Variants in SLAIN2 observed in about 807,000 individuals in gnomAD.
SLAIN2 encodes the protein SLAIN family member 2.
SLAIN2 carries 31 observed loss-of-function variants against 56.6 expected under a neutral mutation model. That is an observed-to-expected ratio of 0.55 (90% CI 0.41 to 0.74). The LOEUF (loss-of-function observed/expected upper bound fraction) is 0.74, where lower values mean the gene tolerates loss of function less well. Ranked by LOEUF, SLAIN2 falls within the 30% of genes least tolerant of loss-of-function variation. The pLI, the probability that SLAIN2 is intolerant of heterozygous loss-of-function variation, is 0.00. For missense variants in SLAIN2, 777 were observed against 754.2 expected (o/e 1.03, Z -0.35); for synonymous variants, 317 against 284.9 (o/e 1.11, Z -1.13).
At chr4:48,346,753 GTTACT>G (rs1267979567) in intron 1 of SLAIN2, among the ~76,000 whole-genome samples, 1 of 151,166 alleles carries the variant, frequency 6.6e-6, no homozygotes, top group East Asian at 1.9e-4. Context: ...CCAAGGAGAT[GTTACT>G]TTAAAGTAAT....
In SLAIN2 at chr4:48,378,166, C is replaced by T. The variant is rs182054132; in HGVS notation, c.703+106C>T. ...GTTCGAGTTCATTTTATTTATGAAACTTTTAACTGGTTAAAGAAAATATCG... is the reference window on the plus strand; with the variant it reads ...GTTCGAGTTCATTTTATTTATGAAATTTTTAACTGGTTAAAGAAAATATCG... On this transcript the variant is annotated intron_variant, in intron 3 of 7. Transcript: ENST00000264313. 1.6e-5 allele frequency: 20 copies of T among 1,289,772 alleles called. No homozygotes were observed. The East Asian group carries it at 3.5e-4, about 23-fold the overall frequency. 79.9% of individuals were successfully genotyped at this position (1,289,772 alleles called of 1,614,324 possible). A position where few individuals can be genotyped will look rare whatever the true frequency, so the allele number is the denominator to read the frequency against.
chr4:48,369,603 T>C (rs1231079012), intron 1 of SLAIN2, among the ~76,000 whole-genome samples: 1 of 152,176 alleles, frequency 6.6e-6, no homozygotes, highest in Non-Finnish European at 1.5e-5. Context: ...TATTTTCTCA[T>C]AGTCTTAGTA....
chr4:48,349,105 T>A (rs755508866), intron 1 of SLAIN2, among the ~76,000 whole-genome samples: 3 of 152,254 alleles, frequency 2.0e-5, no homozygotes, highest in Non-Finnish European at 4.4e-5. Flanking sequence ...TTTGTGAAAT[T>A]CTCCTGAATT....
intron 6 of SLAIN2, among the ~76,000 whole-genome samples, chr4:48,385,243 G>A (rs559832639): frequency 5.3e-5 from 8 of 152,294 alleles, no homozygotes; most frequent in African/African-American, 9.6e-5. Flanking sequence ...AGATTTGAGC[G>A]TGTAGTCAAA....
intron 6 of SLAIN2, among the ~76,000 whole-genome samples, chr4:48,395,810 C>CTTTTTTTTTTTTTTTT (rs10649464): frequency 2.7e-5 from 2 of 72,772 alleles, no homozygotes; most frequent in African/African-American, 6.8e-5. Context: ...GAACCTTAGG[C>CTTTTTTTTTTTTTTTT]TTTTTTTTTT....
In SLAIN2 at chr4:48,377,991, T is replaced by A. The variant is rs531213017; in HGVS notation, c.634T>A (p.Phe212Ile). The change falls in exon 3 of 8, where the codon TTC (phenylalanine) becomes ATC (isoleucine). Residue 212 changes from phenylalanine (F) to isoleucine (I), a missense_variant. Coordinates refer to ENST00000264313, the MANE Select transcript of SLAIN2 (RefSeq NM_020846.2). ...PNASSPYSSG[F>I]NSPSSTPVRP... ...TGCCAGTAGCCCATACAGCAGTGGC[T>A]TCAATTCTCCATCCTCAACCCCAGT... 1 of 1,613,950 alleles carries A rather than the reference T, an allele frequency of 6.2e-7. No homozygotes were observed. Among genetic ancestry groups the A allele is most frequent in the East Asian group, 2.2e-5 (1 of 44,864 alleles).
At chr4:48,387,158 A>G (rs1716122437) in intron 6 of SLAIN2, among the ~76,000 whole-genome samples, 1 of 152,164 alleles carries the variant, frequency 6.6e-6, no homozygotes, top group African/African-American at 2.4e-5. Context: ...CTATTCTAGC[A>G]TGTCAAAGCT....
chr4:48,386,962 CA>C, intron 6 of SLAIN2, among the ~76,000 whole-genome samples: 1 of 152,246 alleles, frequency 6.6e-6, no homozygotes, highest in Non-Finnish European at 1.5e-5. Context: ...AGCATGTGAA[CA>C]GATGATCCAA....
At chr4:48,421,683 T>G (rs979118539) in intron 7 of SLAIN2, among the ~76,000 whole-genome samples, 1 of 152,022 alleles carries the variant, frequency 6.6e-6, no homozygotes, top group African/African-American at 2.4e-5. Flanking sequence ...TAATATCACA[T>G]TCATCATTCT....
intron 1 of SLAIN2, among the ~76,000 whole-genome samples, chr4:48,360,036 C>A (rs1024237461): frequency 6.6e-6 from 1 of 151,942 alleles, no homozygotes; most frequent in South Asian, 2.1e-4. Context: ...CACCTATAAT[C>A]CCAGCTACTC....
intron 1 of SLAIN2, among the ~76,000 whole-genome samples, chr4:48,346,123 A>T (rs1211429357): frequency 6.6e-6 from 1 of 152,248 alleles, no homozygotes; most frequent in African/African-American, 2.4e-5. Context: ...GGACTTGTTC[A>T]TGATGAATGT....
rs1227489587 is a variant in SLAIN2 at position 48,394,191 on chromosome 4, C to A, written c.1360+10407C>A. Among the ~76,000 whole-genome samples, 3 of 152,308 alleles carry A rather than the reference C, an allele frequency of 2.0e-5. No individual in the cohort carries two copies. In the East Asian group the frequency reaches 5.8e-4, roughly 29 times the overall value. On this transcript the variant is annotated intron_variant, in intron 6 of 7. Coordinates refer to ENST00000264313, the MANE Select transcript of SLAIN2 (RefSeq NM_020846.2). ...CTAACAATAACCGCTTTGCCAAAAT[C>A]TGCTTTTTTTGCGTTGAACAAGTGC... is the stretch of plus-strand genomic sequence containing the variant.
rs1170277239 is a variant in SLAIN2, at chr4:48,341,648, G to A, written c.-92G>A. ...GCTATATGCCGGCGCCTCGGCTAGA[G>A]TGAGCGGCGGCGACGCCTCTTTCCT... On this transcript the variant is annotated 5_prime_UTR_variant, in exon 1 of 8. The change creates a new upstream start codon in the 5' untranslated region. Coordinates refer to ENST00000264313, the MANE Select transcript of SLAIN2 (RefSeq NM_020846.2). 3 of 1,472,900 alleles carry A rather than the reference G, an allele frequency of 2.0e-6. No individual in the cohort carries two copies. In the African/African-American group the frequency reaches 4.4e-5, roughly 22 times the overall value. The allele number at this position is 1,472,900 out of a possible 1,614,324, so 91.2% of individuals were successfully genotyped here. A position where few individuals can be genotyped will look rare whatever the true frequency, so the allele number is the denominator to read the frequency against.
intron 6 of SLAIN2, among the ~76,000 whole-genome samples, chr4:48,407,916 G>C (rs1271760010): frequency 6.6e-6 from 1 of 152,138 alleles, no homozygotes; most frequent in African/African-American, 2.4e-5. Flanking sequence ...ATTTGCCTAT[G>C]TTGGACATTG....
At chr4:48,393,990 C>A (rs528119188) in intron 6 of SLAIN2, among the ~76,000 whole-genome samples, 2 of 152,098 alleles carry the variant, frequency 1.3e-5, no homozygotes, top group Non-Finnish European at 2.9e-5. Flanking sequence ...CACTTGCATA[C>A]GTATGTGCAC....
At chr4:48,353,681 T>G (rs1455733399) in intron 1 of SLAIN2, among the ~76,000 whole-genome samples, 1 of 152,168 alleles carries the variant, frequency 6.6e-6, no homozygotes, top group Non-Finnish European at 1.5e-5. Flanking sequence ...GTATATCTGA[T>G]GGGAAAGTTT....
rs1262585556 is a variant in SLAIN2, at chr4:48,341,535, G to A, written c.-205G>A. 2 of 667,484 alleles carry A rather than the reference G, an allele frequency of 3.0e-6. No individual in the cohort carries two copies. Among genetic ancestry groups the A allele is most frequent in the East Asian group, 6.9e-5 (2 of 28,916 alleles). 41.3% of individuals were successfully genotyped at this position (667,484 alleles called of 1,614,324 possible). A position where few individuals can be genotyped will look rare whatever the true frequency, so the allele number is the denominator to read the frequency against. ...TATTGGCGCCGCCTCCCCCAATCCC[G>A]GAGCCGGCGCAGATGAGGCAGTTCG... On this transcript the variant is annotated 5_prime_UTR_variant, in exon 1 of 8. Transcript: ENST00000264313.
chr4:48,368,051 C>CTT (rs36096623), intron 1 of SLAIN2, among the ~76,000 whole-genome samples: 994 of 88,818 alleles, frequency 0.011, 99 homozygotes, highest in Non-Finnish European at 0.016. Flanking sequence ...GTTTTTGAGG[C>CTT]TTTTTTTTTT....
chr4:48,388,880 A>C (rs1490421163), intron 6 of SLAIN2, among the ~76,000 whole-genome samples: 1 of 152,228 alleles, frequency 6.6e-6, no homozygotes, highest in African/African-American at 2.4e-5. Context: ...ATATTTTTGC[A>C]TGGAATACAG....
Sources: allele counts gnomAD v4.1 joint callset (sites outside exome capture counted in the v4.1 genomes callset), GRCh38; gene constraint gnomAD v4.1.1; transcripts MANE v1.5; gene names NCBI Gene and HGNC (gene_info 2026-07-23, HGNC 2026-07-21).